Variants in PCSK2 observed in about 807,000 individuals in gnomAD.
The protein encoded by PCSK2 is proprotein convertase subtilisin/kexin type 2, also known as neuroendocrine convertase 2.
PCSK2 carries 14 observed loss-of-function variants against 69.7 expected under a neutral mutation model. That is an observed-to-expected ratio of 0.20 (90% CI 0.13 to 0.31). The LOEUF (loss-of-function observed/expected upper bound fraction) is 0.31. Among genes scored for constraint, PCSK2 ranks in the 10% least tolerant of loss-of-function variants. The pLI, the probability that PCSK2 is intolerant of heterozygous loss-of-function variation, is 1.00. For synonymous variants in PCSK2, 307 were observed against 320.7 expected, an observed-to-expected ratio of 0.96 and a Z score of 0.46; for missense variants, 544 against 842.5, an observed-to-expected ratio of 0.65 and a Z score of 4.39.
In PCSK2 at chr20:17,481,610, T is replaced by C; in HGVS notation, c.1457T>C (p.Val486Ala). 2 of 1,613,938 alleles carry C rather than the reference T, an allele frequency of 1.2e-6. No homozygotes were observed. The highest frequency in any genetic ancestry group is 1.7e-6 in the Non-Finnish European group (2 of 1,179,944). Residue 486 changes from valine to alanine, a missense_variant, in exon 12 of 12, where the codon GTG becomes GCG. Val to Ala is a moderately conservative substitution (Grantham distance 64). Transcript: ENST00000262545. The part of the protein sequence containing the change: ...PEKIPSTGKL[V>A]LTLTTDACEG... ...AAAATACCATCCACTGGCAAGTTGG[T>C]GCTGACACTCACAACCGACGCCTGT... is the stretch of plus-strand genomic sequence containing the variant.
chr20:17,226,117 C>T (rs1404593702), upstream of PCSK2: 1 of 152,240 alleles, frequency 6.6e-6, no homozygotes, highest in East Asian at 1.9e-4. Flanking sequence ...AACTAGCACC[C>T]TCGCTGTCCT....
Position 17,481,413 on chromosome 20 carries a change from A to AAAAAAAAAGAG in PCSK2, c.1431-170_1431-169insAAAAAAAGAGA, listed in dbSNP as rs113487407. On this transcript the variant is annotated intron_variant, in intron 11 of 11. Transcript: ENST00000262545. ...CAAAAAAAAAAAAAAAAAAAAAAAA[A>AAAAAAAAAGAG]AGAGATAAGTAACTTACTCAGGCTC... Among the ~76,000 whole-genome samples, 23 of 115,826 alleles carry AAAAAAAAAGAG rather than the reference A, an allele frequency of 2.0e-4. 5 individuals are homozygous for AAAAAAAAAGAG. The highest frequency in any genetic ancestry group is 8.9e-4 in the African/African-American group (23 of 25,838). 76.0% of individuals were successfully genotyped at this position (115,826 alleles called of 152,430 possible).
intron 11 of PCSK2, chr20:17,479,138 C>G (rs2033343522): frequency 7.3e-7 from 1 of 1,363,898 alleles, no homozygotes; most frequent in Admixed American, 1.7e-5. Flanking sequence ...GTCCAGTTCT[C>G]CCATCTTACG....
rs750753616 is a variant in PCSK2 at position 17,432,922 on chromosome 20, AT to A, written c.709+3400del. Reference sequence around the variant, plus strand: ...AAAGACAGGGAGCAAATAAAAAAAAATCAGATAACAACTCATGAAAGAGGAC... The same window carrying A: ...AAAGACAGGGAGCAAATAAAAAAAAACAGATAACAACTCATGAAAGAGGAC... On this transcript the variant is annotated intron_variant, in intron 7 of 11. Coordinates refer to ENST00000262545, the MANE Select transcript of PCSK2 (RefSeq NM_002594.5). Among the ~76,000 whole-genome samples, 7 of 152,304 alleles carry A rather than the reference AT, an allele frequency of 4.6e-5. No individual in the cohort carries two copies. In the East Asian group the frequency reaches 1.3e-3, roughly 29 times the overall value.
intron 2 of PCSK2, among the ~76,000 whole-genome samples, chr20:17,342,337 T>C (rs529121254): frequency 6.6e-6 from 1 of 152,334 alleles, no homozygotes; most frequent in East Asian, 1.9e-4. Context: ...TGTTTGTTTG[T>C]GACAGAGTCC....
At chr20:17,295,195 C>G (rs891557184) in intron 2 of PCSK2, among the ~76,000 whole-genome samples, 6 of 150,422 alleles carry the variant, frequency 4.0e-5, no homozygotes, top group Non-Finnish European at 8.8e-5. Flanking sequence ...TCAGTGAGGT[C>G]TGCATTTATA....
chr20:17,421,807 TAAAAAAAAAAAAAA>T (rs56376793), intron 6 of PCSK2, among the ~76,000 whole-genome samples: 44 of 78,962 alleles, frequency 5.6e-4, no homozygotes, highest in African/African-American at 9.1e-4. Flanking sequence ...GGAAGAGAGG[TAAAAAAAAAAAAAA>T]AAAAAAAAAA....
chr20:17,441,010 G>C (rs1286076024), intron 8 of PCSK2, among the ~76,000 whole-genome samples: 1 of 152,170 alleles, frequency 6.6e-6, no homozygotes, highest in African/African-American at 2.4e-5. Context: ...GCCACAGGAG[G>C]GCTCTGCGGT....
intron 2 of PCSK2, among the ~76,000 whole-genome samples, chr20:17,353,778 G>C (rs2030096113): frequency 6.6e-6 from 1 of 152,192 alleles, no homozygotes; most frequent in Non-Finnish European, 1.5e-5. Flanking sequence ...TAAAGAAAAT[G>C]TGGTACACCT....
intron 6 of PCSK2, among the ~76,000 whole-genome samples, chr20:17,415,247 C>T (rs896091428): frequency 6.6e-6 from 1 of 152,298 alleles, no homozygotes; most frequent in African/African-American, 2.4e-5. Flanking sequence ...GTCAAATTGT[C>T]CCTGTTTGCA....
chr20:17,377,373 C>A (rs1482529072), intron 5 of PCSK2, among the ~76,000 whole-genome samples: 1 of 152,192 alleles, frequency 6.6e-6, no homozygotes, highest in African/African-American at 2.4e-5. Flanking sequence ...GAAGTGGGTG[C>A]CTGCTGAGAG....
intron 1 of PCSK2, among the ~76,000 whole-genome samples, chr20:17,237,615 G>A (rs1220865320): frequency 2.0e-5 from 3 of 152,172 alleles, no homozygotes; most frequent in Non-Finnish European, 2.9e-5. Flanking sequence ...GTTGAAATAG[G>A]AGGAGTCACC....
chr20:17,335,193 T>TCA (rs111528062), intron 2 of PCSK2, among the ~76,000 whole-genome samples: 12 of 151,390 alleles, frequency 7.9e-5, no homozygotes, highest in South Asian at 2.1e-4. Context: ...CAGCGGAGAT[T>TCA]GGGGGGGTTG....
chr20:17,279,612 C>A (rs897727201), intron 2 of PCSK2, among the ~76,000 whole-genome samples: 68 of 151,892 alleles, frequency 4.5e-4, no homozygotes, highest in African/African-American at 1.6e-3. Context: ...TCGAGACCAG[C>A]CTGACCAACA....
intron 2 of PCSK2, among the ~76,000 whole-genome samples, chr20:17,308,760 G>T (rs1254824952): frequency 6.6e-6 from 1 of 152,166 alleles, no homozygotes; most frequent in Non-Finnish European, 1.5e-5. Context: ...AGGACCTCTA[G>T]CATTTCTGGG....
intron 10 of PCSK2, among the ~76,000 whole-genome samples, chr20:17,458,087 A>T (rs565774744): frequency 1.3e-5 from 2 of 152,356 alleles, no homozygotes; most frequent in Non-Finnish European, 2.9e-5. Context: ...TTTTGAAGCA[A>T]TGATCATGAA....
intron 10 of PCSK2, 33 bp from the exon 11 acceptor site, chr20:17,465,293 C>G (rs146236340): frequency 1.2e-5 from 18 of 1,520,930 alleles, no homozygotes; most frequent in Admixed American, 1.7e-5. Flanking sequence ...GCCTTTTGCC[C>G]TTGCCCTCTT....
At chr20:17,409,676 T>A (rs1368234566) in intron 6 of PCSK2, among the ~76,000 whole-genome samples, 1 of 152,236 alleles carries the variant, frequency 6.6e-6, no homozygotes, top group East Asian at 1.9e-4. Flanking sequence ...GTTGAAACTG[T>A]CGTAGAGAAG....
chr20:17,350,400 A>G (rs1002383581), intron 2 of PCSK2, among the ~76,000 whole-genome samples: 5 of 151,786 alleles, frequency 3.3e-5, no homozygotes, highest in African/African-American at 7.3e-5. Flanking sequence ...CACTTCAAGC[A>G]AAGACGTCCC....
Sources: allele counts gnomAD v4.1 joint callset (sites outside exome capture counted in the v4.1 genomes callset), GRCh38; gene constraint gnomAD v4.1.1; transcripts MANE v1.5; gene names NCBI Gene and HGNC (gene_info 2026-07-23, HGNC 2026-07-21).